LRP1B: variants seen among roughly 807,000 people sequenced by gnomAD.
LRP1B encodes LDL receptor related protein 1B, also known as low-density lipoprotein receptor-related protein 1B.
LRP1B carries 217 observed loss-of-function variants against 556.6 expected under a neutral mutation model. The ratio of observed to expected loss-of-function variants is 0.39; its 90% CI spans 0.35 to 0.44. The LOEUF is 0.44. LRP1B is among the 20% of genes least tolerant of loss of function. The probability of loss-of-function intolerance (pLI) is 1.00; values close to 1 mark genes in which losing one functional copy is unlikely to be tolerated. For synonymous variants in LRP1B, 2,047 were observed against 1,865.8 expected (o/e 1.10, Z -2.50); for missense variants, 5,053 against 5,620.8 (o/e 0.90, Z 3.23).
chr2:140,567,692 C>T (rs140138036), intron 43 of LRP1B, among the ~76,000 whole-genome samples: 129 of 152,306 alleles, frequency 8.5e-4, no homozygotes, highest in African/African-American at 3.0e-3. Flanking sequence ...AACTAGAACC[C>T]TGTGCCACCA....
chr2:140,594,572 C>T (rs1682357624), intron 43 of LRP1B, among the ~76,000 whole-genome samples: 1 of 152,104 alleles, frequency 6.6e-6, no homozygotes, highest in South Asian at 2.1e-4. Flanking sequence ...AAGAATCTCT[C>T]CAACACTTTA....
chr2:141,770,016 G>T (rs940247501), intron 2 of LRP1B, among the ~76,000 whole-genome samples: 2 of 152,152 alleles, frequency 1.3e-5, no homozygotes, highest in African/African-American at 4.8e-5. Flanking sequence ...GAGTTAGTAT[G>T]ACCTATTAAA....
chr2:142,122,525 C>A (rs556143539), intron 1 of LRP1B, among the ~76,000 whole-genome samples: 4 of 152,114 alleles, frequency 2.6e-5, no homozygotes, highest in Non-Finnish European at 5.9e-5. Context: ...TACAGGACAT[C>A]AATATAGTGC....
At chr2:140,301,857 A>C (rs1683841182) in intron 83 of LRP1B, among the ~76,000 whole-genome samples, 1 of 151,810 alleles carries the variant, frequency 6.6e-6, no homozygotes, top group Non-Finnish European at 1.5e-5. Context: ...TAATATATGA[A>C]TATATATGCA....
At chr2:141,829,146 C>A (rs113141459) in intron 1 of LRP1B, among the ~76,000 whole-genome samples, 1 of 151,378 alleles carries the variant, frequency 6.6e-6, no homozygotes, top group Non-Finnish European at 1.5e-5. Context: ...AGATATCTAG[C>A]GAGTTTTTGT....
At chr2:140,644,198 C>T (rs1684398359) in intron 41 of LRP1B, among the ~76,000 whole-genome samples, 1 of 152,108 alleles carries the variant, frequency 6.6e-6, no homozygotes, top group African/African-American at 2.4e-5. Flanking sequence ...TCCTGCTGTA[C>T]ACACTTGATT....
At chr2:141,502,587 G>A (rs909457333) in intron 2 of LRP1B, among the ~76,000 whole-genome samples, 3 of 152,122 alleles carry the variant, frequency 2.0e-5, no homozygotes, top group Non-Finnish European at 4.4e-5. Context: ...CTGGCTGGGC[G>A]CAGTGGCTCA....
chr2:141,768,974 C>T (rs1315598894), intron 2 of LRP1B, among the ~76,000 whole-genome samples: 1 of 151,634 alleles, frequency 6.6e-6, no homozygotes, highest in Admixed American at 6.6e-5. Flanking sequence ...TAATTCTCTC[C>T]CAAATCCTAA....
intron 1 of LRP1B, among the ~76,000 whole-genome samples, chr2:142,094,527 C>A (rs1706288144): frequency 6.6e-6 from 1 of 151,964 alleles, no homozygotes; most frequent in Non-Finnish European, 1.5e-5. Context: ...CAAAAAGAAT[C>A]AGTTCTATAA....
chr2:140,345,759 CATATATACACAT>C, intron 77 of LRP1B, among the ~76,000 whole-genome samples: 1 of 117,716 alleles, frequency 8.5e-6, no homozygotes, highest in African/African-American at 3.1e-5. Context: ...CACATATATA[CATATATACACAT>C]ATATATACAT....
At chr2:141,927,210 A>G (rs1305246053) in intron 1 of LRP1B, among the ~76,000 whole-genome samples, 2 of 152,108 alleles carry the variant, frequency 1.3e-5, no homozygotes, top group African/African-American at 4.8e-5. Flanking sequence ...CTAATAGATT[A>G]CCATCATACA....
intron 1 of LRP1B, among the ~76,000 whole-genome samples, chr2:141,938,682 A>G (rs1700706188): frequency 6.6e-6 from 1 of 152,168 alleles, no homozygotes; most frequent in Non-Finnish European, 1.5e-5. Flanking sequence ...AAATATGGAA[A>G]CAACCTAAGT....
intron 79 of LRP1B, among the ~76,000 whole-genome samples, chr2:140,332,562 C>T (rs1433013627): frequency 6.6e-6 from 1 of 152,036 alleles, no homozygotes; most frequent in African/African-American, 2.4e-5. Context: ...GATAATTGTG[C>T]TTAACTGGTT....
rs776302339 is a variant in LRP1B, at chr2:141,188,555, G to A, written c.879C>T (p.Leu293=). 1.6e-5 allele frequency: 26 copies of A among 1,612,196 alleles called. No homozygotes were observed. Among genetic ancestry groups the A allele is most frequent in the Non-Finnish European group, 2.0e-5 (24 of 1,179,078 alleles). Residue 293 remains leucine (L), a synonymous_variant, in exon 7 of 91, where the codon CTC becomes CTT. Coordinates refer to ENST00000389484, the MANE Select transcript of LRP1B (RefSeq NM_018557.3). The part of the protein sequence containing the change: ...HNVQQMAIDW[L]TRNLYFVDHV... ...GGTCCACAAAATAGAGATTTCGAGTGAGCCAGTCAATCGCCATTTGTTGCA... is the reference window on the plus strand; with the variant it reads ...GGTCCACAAAATAGAGATTTCGAGTAAGCCAGTCAATCGCCATTTGTTGCA...
At chr2:140,617,330 ACC>A (rs1259647096) in intron 41 of LRP1B, among the ~76,000 whole-genome samples, 5 of 151,946 alleles carry the variant, frequency 3.3e-5, no homozygotes, top group Non-Finnish European at 7.4e-5. Context: ...AAAAGGTGAT[ACC>A]TGCAAAACAG....
At chr2:141,734,454 G>C (rs1319149609) in intron 2 of LRP1B, among the ~76,000 whole-genome samples, 1 of 151,956 alleles carries the variant, frequency 6.6e-6, no homozygotes, top group Admixed American at 6.6e-5. Context: ...CACAGGGAGA[G>C]ATAGAGAGAG....
At chr2:140,663,599 C>T (rs1031913793) in intron 41 of LRP1B, among the ~76,000 whole-genome samples, 5 of 152,150 alleles carry the variant, frequency 3.3e-5, no homozygotes, top group Admixed American at 1.3e-4. Flanking sequence ...AGAGTTAGGG[C>T]CTTTCCTGGA....
intron 6 of LRP1B, among the ~76,000 whole-genome samples, chr2:141,226,114 T>TG (rs1007585013): frequency 5.7e-5 from 2 of 35,332 alleles, no homozygotes; most frequent in African/African-American, 9.2e-5. Context: ...AGAGTCTCAA[T>TG]TTTCCCCCCC....
chr2:140,759,020 C>A (rs1217258724), intron 35 of LRP1B, among the ~76,000 whole-genome samples: 3 of 151,998 alleles, frequency 2.0e-5, no homozygotes, highest in East Asian at 3.9e-4. Context: ...AGGAAAGCAG[C>A]AAAATATAAT....
Sources: allele counts gnomAD v4.1 joint callset (sites outside exome capture counted in the v4.1 genomes callset), GRCh38; gene constraint gnomAD v4.1.1; transcripts MANE v1.5; gene names NCBI Gene and HGNC (gene_info 2026-07-23, HGNC 2026-07-21).